GPR137C: variants seen among roughly 807,000 people sequenced by gnomAD.
GPR137C encodes the protein integral membrane protein GPR137C.
In GPR137C, 27 loss-of-function variants were observed where a neutral mutation model predicts 43.4. The observed-to-expected ratio is 0.62, with a 90% CI of 0.46 to 0.86. GPR137C has a LOEUF of 0.86. Ranked by LOEUF, GPR137C falls within the 40% of genes least tolerant of loss-of-function variation. The pLI is 0.00. For missense variants in GPR137C, 522 were observed against 534.6 expected (o/e 0.98, Z 0.23); for synonymous variants, 285 against 226.9 (o/e 1.26, Z -2.30).
intron 3 of GPR137C, among the ~76,000 whole-genome samples, chr14:52,604,224 G>A (rs141721991): frequency 7.2e-5 from 11 of 152,142 alleles, no homozygotes; most frequent in African/African-American, 2.6e-4. Flanking sequence ...ACTTCACTTT[G>A]TTAATTGTTT....
Position 52,629,367 on chromosome 14 carries a change from C to T in GPR137C, c.718-2793C>T, listed in dbSNP as rs113641925. Among the ~76,000 whole-genome samples the T allele has an allele frequency of 1.8e-3, 278 of 152,258 alleles. 2 individuals carry two copies. The highest frequency in any genetic ancestry group is 6.5e-3 in the African/African-American group (270 of 41,544). On this transcript the variant is annotated intron_variant, in intron 3 of 6. Transcript: ENST00000321662. ...TGTCATATAAACAAACTCATATAATCAGAAAGTGGAATTAGTGTGATTTAC... is the reference window on the plus strand; with the variant it reads ...TGTCATATAAACAAACTCATATAATTAGAAAGTGGAATTAGTGTGATTTAC...
chr14:52,574,160 G>T (rs192787089), intron 1 of GPR137C, among the ~76,000 whole-genome samples: 1 of 152,284 alleles, frequency 6.6e-6, no homozygotes, highest in East Asian at 1.9e-4. Context: ...AGACAGTGTG[G>T]CGATTCCTCA....
At chr14:52,616,862 G>A (rs573434771) in intron 3 of GPR137C, among the ~76,000 whole-genome samples, 3 of 152,220 alleles carry the variant, frequency 2.0e-5, no homozygotes, top group Admixed American at 2.0e-4. Context: ...TTGTATCCTG[G>A]GTAGAGTCGT....
Position 52,600,162 on chromosome 14 carries a change from G to A in GPR137C, c.538G>A (p.Val180Met), listed in dbSNP as rs772247128. 7 of 1,613,848 alleles carry A rather than the reference G, an allele frequency of 4.3e-6. No homozygotes were observed. The highest frequency in any genetic ancestry group is 1.7e-5 in the Admixed American group (1 of 60,020). The change falls in exon 3 of 7, where the codon GTG becomes ATG. Residue 180 changes from valine to methionine, a missense_variant. By Grantham distance (21) the Val-to-Met change is conservative (BLOSUM62 1). Transcript: ENST00000321662. ...AATGGCAAGCCTGCTCTTTTTAGTG[G>A]TGAACTTGACTTGCGCAATGCTAGT... The part of the protein sequence containing the change: ...FIMASLLFLV[V>M]NLTCAMLVHG...
At chr14:52,556,812 G>C (rs970818980) in intron 1 of GPR137C, among the ~76,000 whole-genome samples, 2 of 151,844 alleles carry the variant, frequency 1.3e-5, no homozygotes, top group Non-Finnish European at 2.9e-5. Flanking sequence ...AGAGTTGATG[G>C]TATACCATCT....
chr14:52,562,346 T>G (rs1356947975), intron 1 of GPR137C, among the ~76,000 whole-genome samples: 3 of 152,232 alleles, frequency 2.0e-5, no homozygotes, highest in Non-Finnish European at 4.4e-5. Flanking sequence ...ATACTTCATA[T>G]AAAATGTTTG....
At chr14:52,556,454 C>A (rs1420308723) in intron 1 of GPR137C, among the ~76,000 whole-genome samples, 1 of 142,946 alleles carries the variant, frequency 7.0e-6, no homozygotes, top group Non-Finnish European at 1.5e-5. Flanking sequence ...GTAGCCCTTT[C>A]TTAAACAGTT....
At chr14:52,588,544 T>A (rs1470799726) in intron 1 of GPR137C, among the ~76,000 whole-genome samples, 1 of 152,226 alleles carries the variant, frequency 6.6e-6, no homozygotes, top group Non-Finnish European at 1.5e-5. Context: ...ACTTCTGTGG[T>A]AATCCTACCA....
At chr14:52,575,239 T>C (rs1305787633) in intron 1 of GPR137C, among the ~76,000 whole-genome samples, 1 of 152,142 alleles carries the variant, frequency 6.6e-6, no homozygotes, top group Non-Finnish European at 1.5e-5. Flanking sequence ...ATTTATACTT[T>C]TTAAAAATAC....
At chr14:52,571,405 C>T (rs931689668) in intron 1 of GPR137C, among the ~76,000 whole-genome samples, 33 of 152,018 alleles carry the variant, frequency 2.2e-4, no homozygotes, top group African/African-American at 7.7e-4. Context: ...AAATTGACAC[C>T]CTAATGTCAC....
intron 3 of GPR137C, 80 bp downstream of exon 3, chr14:52,600,421 T>C (rs1333886667): frequency 1.4e-5 from 10 of 712,992 alleles, no homozygotes; most frequent in Non-Finnish European, 2.1e-5. Flanking sequence ...ATGGAAAGTT[T>C]ATATTGCTAT....
At chr14:52,577,111 C>T (rs1238950567) in intron 1 of GPR137C, among the ~76,000 whole-genome samples, 2 of 135,748 alleles carry the variant, frequency 1.5e-5, no homozygotes, top group Non-Finnish European at 3.1e-5. Flanking sequence ...CACTTGAACC[C>T]GGGGGGCGGA....
intron 3 of GPR137C, among the ~76,000 whole-genome samples, chr14:52,602,436 T>G (rs2038937880): frequency 1.3e-5 from 2 of 152,034 alleles, no homozygotes; most frequent in Admixed American, 1.3e-4. Context: ...TCTTCTGTCT[T>G]CCTCTTTTCA....
chr14:52,600,239 A>G lies in GPR137C; in HGVS notation c.615A>G (p.Ala205=), dbSNP rs752081717. The G allele has an allele frequency of 6.2e-7, 1 of 1,613,730 alleles. No individual in the cohort carries two copies. The highest frequency in any genetic ancestry group is 1.1e-5 in the South Asian group (1 of 91,080). ...NQLKWTVFVR[A]LINDSLFILC... ...TGAAGTGGACTGTGTTTGTTCGAGC[A>G]TTAATTAATGATAGCCTGTTTATTC... The change falls in exon 3 of 7, where the codon GCA becomes GCG. Residue 205 remains alanine, a synonymous_variant. Transcript: ENST00000321662.
chr14:52,629,270 T>C, intron 3 of GPR137C, among the ~76,000 whole-genome samples: 1 of 152,174 alleles, frequency 6.6e-6, no homozygotes. Flanking sequence ...CGCTCTTAGG[T>C]AGTTACCCAA....
chr14:52,561,146 C>T (rs962086896), intron 1 of GPR137C, among the ~76,000 whole-genome samples: 3 of 152,160 alleles, frequency 2.0e-5, no homozygotes, highest in Non-Finnish European at 2.9e-5. Flanking sequence ...GTTGAACTAC[C>T]ACTAGACATT....
At chr14:52,627,543 T>C (rs2039242075) in intron 3 of GPR137C, among the ~76,000 whole-genome samples, 1 of 152,002 alleles carries the variant, frequency 6.6e-6, no homozygotes, top group African/African-American at 2.4e-5. Context: ...GCAGATGATC[T>C]AAATATTTAA....
At chr14:52,596,970 A>G (rs2139519869) in intron 1 of GPR137C, 1 of 454,674 alleles carries the variant, frequency 2.2e-6, no homozygotes, top group South Asian at 1.6e-5. Context: ...AACCCATCTT[A>G]TATCTCCAAA....
intron 1 of GPR137C, among the ~76,000 whole-genome samples, chr14:52,573,929 CAAAAG>C (rs1338232218): frequency 6.6e-6 from 1 of 152,056 alleles, no homozygotes; most frequent in African/African-American, 2.4e-5. Context: ...AGACACTTCT[CAAAAG>C]AAGACATTTA....
Sources: gnomAD v4.1 joint callset for allele counts (sites outside exome capture counted in the v4.1 genomes callset) on GRCh38, gnomAD v4.1.1 for gene constraint, MANE v1.5 for transcripts, NCBI Gene and HGNC (gene_info 2026-07-23, HGNC 2026-07-21) for gene names.